PRIMPOL: variants seen among roughly 807,000 people sequenced by gnomAD.
The protein encoded by PRIMPOL is DNA-directed primase/polymerase protein.
In PRIMPOL, 54 loss-of-function variants were observed where a neutral mutation model predicts 63.6. The observed-to-expected ratio is 0.85, with a 90% CI of 0.68 to 1.07. The LOEUF (loss-of-function observed/expected upper bound fraction) is 1.07. Among genes scored for constraint, PRIMPOL ranks in the 50% least tolerant of loss-of-function variants. The pLI, the probability that PRIMPOL is intolerant of heterozygous loss-of-function variation, is 0.00. For synonymous variants in PRIMPOL, 197 were observed against 220.2 expected (o/e 0.89, Z 0.93); for missense variants, 610 against 648.3 (o/e 0.94, Z 0.64).
chr4:184,685,516 C>T lies in PRIMPOL; in HGVS notation c.1186+18C>T. 1 of 1,591,586 alleles carries T rather than the reference C, an allele frequency of 6.3e-7. No homozygotes were observed. Among genetic ancestry groups the T allele is most frequent in the Non-Finnish European group, 8.6e-7 (1 of 1,159,554 alleles). On this transcript the variant is annotated intron_variant, in intron 10 of 13. Transcript: ENST00000314970. ...TAAAGGAGGTAAAGTTAATCTCATC[C>T]TTTGTTAACTGTTATATGATAGAGT...
chr4:184,662,470 T>C (rs891764484), intron 5 of PRIMPOL, among the ~76,000 whole-genome samples: 1 of 152,196 alleles, frequency 6.6e-6, no homozygotes, highest in African/African-American at 2.4e-5. Context: ...GAAAAAATAC[T>C]GTAGTTCTTT....
At chr4:184,653,596 C>T (rs901013708) in intron 2 of PRIMPOL, among the ~76,000 whole-genome samples, 15 of 152,192 alleles carry the variant, frequency 9.9e-5, no homozygotes, top group East Asian at 5.8e-4. Flanking sequence ...GTGGTCCACC[C>T]GCCTGGGCCT....
At position 184,649,871 on chromosome 4, in the gene PRIMPOL, G is replaced by A. The variant is rs1560905618; in HGVS notation, c.-175G>A. 6.6e-6 allele frequency: 1 copy of A among 152,312 alleles called. No individual in the cohort carries two copies. Among genetic ancestry groups the A allele is most frequent in the African/African-American group, 2.4e-5 (1 of 41,474 alleles). The allele number at this position is 152,312 out of a possible 1,614,324, so 9.4% of individuals were successfully genotyped here. ...AAGCCAGGCCTGCTGCCCAGTTTGA[G>A]CTCTGGGAAGAAGAGGAGCAGGCCG... is the stretch of plus-strand genomic sequence containing the variant. On this transcript the variant is annotated 5_prime_UTR_variant, in exon 1 of 14. Coordinates refer to ENST00000314970, the MANE Select transcript of PRIMPOL (RefSeq NM_152683.4).
intron 7 of PRIMPOL, among the ~76,000 whole-genome samples, chr4:184,673,718 C>T (rs1053350436): frequency 3.3e-5 from 5 of 152,142 alleles, no homozygotes; most frequent in South Asian, 2.1e-4. Flanking sequence ...CCACTGCGCC[C>T]GCCAGACAGC....
chr4:184,672,286 G>T lies in PRIMPOL; in HGVS notation c.670G>T (p.Ala224Ser). The stretch of plus-strand genomic sequence containing the variant: ...ATTTCCCCATTTTTCAGAAGCACCT[G>T]CAAGACAAGGATTTTCTTTCAATAA... ...HGFPHFSEAPARQGFSFNKMF... is the reference protein window; with the variant it reads ...HGFPHFSEAPSRQGFSFNKMF... Residue 224 changes from alanine (A) to serine (S), a missense_variant, in exon 7 of 14, where the codon GCA (alanine) becomes TCA (serine). Around this residue, in one of 3 missense-constraint regions of PRIMPOL, gnomAD observed 444 missense variants for 456.4 expected, o/e 0.97. Transcript: ENST00000314970. 8 of 1,614,116 alleles carry T rather than the reference G, an allele frequency of 5.0e-6. No homozygotes were observed. The highest frequency in any genetic ancestry group is 6.8e-6 in the Non-Finnish European group (8 of 1,180,028).
intron 9 of PRIMPOL, among the ~76,000 whole-genome samples, chr4:184,682,909 G>A (rs545967625): frequency 6.6e-6 from 1 of 152,108 alleles, no homozygotes; most frequent in South Asian, 2.1e-4. Flanking sequence ...AATTAGCCAG[G>A]AATTGTGGTG....
At chr4:184,673,250 C>A (rs1752347188) in intron 7 of PRIMPOL, among the ~76,000 whole-genome samples, 1 of 151,666 alleles carries the variant, frequency 6.6e-6, no homozygotes, top group African/African-American at 2.4e-5. Context: ...CTGCCTCAGC[C>A]TCCGGAGTAG....
chr4:184,661,443 A>C (rs1748276451), intron 4 of PRIMPOL, among the ~76,000 whole-genome samples: 1 of 152,158 alleles, frequency 6.6e-6, no homozygotes, highest in Non-Finnish European at 1.5e-5. Context: ...GTGGTGGCTC[A>C]TGTCTGTAAT....
chr4:184,675,348 A>G (rs1753009210), intron 7 of PRIMPOL, among the ~76,000 whole-genome samples: 1 of 152,222 alleles, frequency 6.6e-6, no homozygotes, highest in South Asian at 2.1e-4. Context: ...ACTTATGTAC[A>G]TTTTATGACA....
intron 9 of PRIMPOL, among the ~76,000 whole-genome samples, chr4:184,684,198 C>T (rs1175840450): frequency 6.6e-6 from 1 of 152,164 alleles, no homozygotes; most frequent in Non-Finnish European, 1.5e-5. Flanking sequence ...TGGCTCACGC[C>T]TGTAATCCCA....
At position 184,665,180 on chromosome 4, in the gene PRIMPOL, C is replaced by T. The variant is rs550789416; in HGVS notation, c.409-737C>T. ...CAACCAAGGCTTTTTTAAGCAGTTA[C>T]ATGTGCTAAAAATTTCCATTTTCTT... On this transcript the variant is annotated intron_variant, in intron 5 of 13. Transcript: ENST00000314970. 5.0e-4 allele frequency among the ~76,000 whole-genome samples: 76 copies of T among 151,882 alleles called. 1 individual carries two copies. In the South Asian group the frequency reaches 0.015, roughly 31 times the overall value.
chr4:184,682,465 A>C (rs977413176), intron 9 of PRIMPOL, 129 bp downstream of exon 9: 10 of 548,346 alleles, frequency 1.8e-5, no homozygotes, highest in African/African-American at 1.3e-4. Flanking sequence ...CTCCTGCCTC[A>C]GCCTCCGGAG....
At chr4:184,664,850 G>T (rs559193507) in intron 5 of PRIMPOL, among the ~76,000 whole-genome samples, 1 of 152,256 alleles carries the variant, frequency 6.6e-6, no homozygotes, top group African/African-American at 2.4e-5. Flanking sequence ...ACCTAAAATT[G>T]TAAGTCTATA....
chr4:184,672,746 G>A (rs939303689), intron 7 of PRIMPOL, among the ~76,000 whole-genome samples: 58 of 152,080 alleles, frequency 3.8e-4, no homozygotes, highest in African/African-American at 1.4e-3. Context: ...GGGACAGTTG[G>A]ACCAGCTTCC....
intron 8 of PRIMPOL, among the ~76,000 whole-genome samples, chr4:184,679,362 A>C (rs1423017878): frequency 6.6e-6 from 1 of 152,186 alleles, no homozygotes; most frequent in African/African-American, 2.4e-5. Context: ...AGGCTGAGGT[A>C]GGAGGATCAC....
chr4:184,668,321 A>G (rs945915751), intron 6 of PRIMPOL, among the ~76,000 whole-genome samples: 3 of 152,232 alleles, frequency 2.0e-5, no homozygotes, highest in African/African-American at 4.8e-5. Flanking sequence ...CGTTGGTATC[A>G]TCCTTGCCCT....
At chr4:184,690,675 G>A (rs1052044933) in intron 11 of PRIMPOL, among the ~76,000 whole-genome samples, 4 of 152,120 alleles carry the variant, frequency 2.6e-5, no homozygotes, top group African/African-American at 9.7e-5. Context: ...GGCCAGGCTG[G>A]TCTCTTTATT....
intron 13 of PRIMPOL, among the ~76,000 whole-genome samples, chr4:184,693,899 C>T (rs1162504689): frequency 6.6e-6 from 1 of 152,128 alleles, no homozygotes; most frequent in Non-Finnish European, 1.5e-5. Context: ...AAACTCCTGG[C>T]CTCAAGCAGT....
rs116351145 is a variant in PRIMPOL, at chr4:184,683,970, C to T, written c.1097-1439C>T. Among the ~76,000 whole-genome samples the T allele has an allele frequency of 7.8e-3, 1,190 of 152,096 alleles. 7 individuals carry two copies. Among genetic ancestry groups the T allele is most frequent in the South Asian group, 0.017 (84 of 4,824 alleles). The stretch of plus-strand genomic sequence containing the variant: ...TAAAATTATGTGTATGGTATGATTA[C>T]AAGCTTTAAAATATGGATAAATTTT... On this transcript the variant is annotated intron_variant, in intron 9 of 13. Transcript: ENST00000314970.
Sources: allele counts gnomAD v4.1 joint callset (sites outside exome capture counted in the v4.1 genomes callset), GRCh38; gene constraint gnomAD v4.1.1; regional missense constraint gnomAD v4.1.1; transcripts MANE v1.5; gene names NCBI Gene and HGNC (gene_info 2026-07-23, HGNC 2026-07-21).